Variants in PPP1R15A observed in about 807,000 individuals in gnomAD.
PPP1R15A encodes the protein growth arrest and DNA damage-inducible protein GADD34.
A neutral mutation model predicts 48.5 loss-of-function variants in PPP1R15A; 43 were observed. The observed-to-expected ratio is 0.89, with a 90% CI of 0.69 to 1.14. The LOEUF (loss-of-function observed/expected upper bound fraction) is 1.14. Ranked by LOEUF, PPP1R15A falls within the 50% of genes most tolerant of loss-of-function variation. PPP1R15A has a pLI of 0.00. For missense variants in PPP1R15A, 868 were observed against 847.2 expected (o/e 1.02, Z -0.30); for synonymous variants, 327 against 327.4 (o/e 1.00, Z 0.01).
Position 48,872,491 on chromosome 19 carries a change from C to A in PPP1R15A, c.-170C>A, listed in dbSNP as rs979072090. 19 of 456,402 alleles carry A rather than the reference C, an allele frequency of 4.2e-5. No individual in the cohort carries two copies. Among genetic ancestry groups the A allele is most frequent in the Non-Finnish European group, 7.1e-5 (16 of 226,802 alleles). 28.3% of individuals were successfully genotyped at this position (456,402 alleles called of 1,614,324 possible). On this transcript the variant is annotated 5_prime_UTR_variant, in exon 1 of 3. Transcript: ENST00000200453. The stretch of plus-strand genomic sequence containing the variant: ...TGCACGACCCCGCGCCCGCTTGTCG[C>A]CACGGCACTTGAGGCAGCCGGAGAT...
Position 48,874,754 on chromosome 19 carries a change from C to T in PPP1R15A, c.1521C>T (p.Phe507=). 6.2e-7 allele frequency: 1 copy of T among 1,614,088 alleles called. No individual in the cohort carries two copies. Among genetic ancestry groups the T allele is most frequent in the Non-Finnish European group, 8.5e-7 (1 of 1,180,012 alleles). Residue 507 remains phenylalanine (F), a synonymous_variant, in exon 2 of 3, where the codon TTC becomes TTT. Transcript: ENST00000200453. ...EDWGEAEPCP[F]RVAIYVPGEK... is the part of the protein sequence containing the mutation. ...GGGGAGAAGCTGAGCCCTGCCCCTT[C>T]CGAGTGGCCATCTATGTACCTGGAG...
chr19:48,874,956 T>C, intron 2 of PPP1R15A, 58 bp downstream of exon 2: 2 of 1,443,734 alleles, frequency 1.4e-6, no homozygotes, highest in South Asian at 3.0e-5. Context: ...GTTGGAGTCT[T>C]GGGCTGTCAC....
rs760976406 is a variant in PPP1R15A at position 48,876,022 on chromosome 19, G to A, written c.*49G>A. On this transcript the variant is annotated 3_prime_UTR_variant, in exon 3 of 3. Transcript: ENST00000200453. ...TATTAACTATTTATTTTTTCTAAGT[G>A]TGGGTTTATATAAGGAATAAAGCCT... 6.7e-6 allele frequency: 10 copies of A among 1,500,580 alleles called. No homozygotes were observed. In the East Asian group the frequency reaches 1.8e-4, roughly 28 times the overall value. 93.0% of individuals were successfully genotyped at this position (1,500,580 alleles called of 1,614,324 possible).
At position 48,874,254 on chromosome 19, in the gene PPP1R15A, G is replaced by T. The variant is rs1345874379; in HGVS notation, c.1021G>T (p.Ala341Ser). 1 of 1,614,198 alleles carries T rather than the reference G, an allele frequency of 6.2e-7. No individual in the cohort carries two copies. Among genetic ancestry groups the T allele is most frequent in the South Asian group, 1.1e-5 (1 of 91,082 alleles). The change falls in exon 2 of 3, where the codon GCC (alanine) becomes TCC (serine). Residue 341 changes from alanine (A) to serine (S), a missense_variant. By Grantham distance (99) the Ala-to-Ser change is moderately conservative (BLOSUM62 1). Transcript: ENST00000200453. ...CIPPPSAFLK[A>S]WVYWPGEDTE... Reference sequence around the variant, plus strand: ...CCCCCCACCAAGTGCCTTCCTGAAGGCCTGGGTGTATTGGCCAGGAGAGGA... The same window carrying T: ...CCCCCCACCAAGTGCCTTCCTGAAGTCCTGGGTGTATTGGCCAGGAGAGGA...
chr19:48,876,042 A>T lies in PPP1R15A; in HGVS notation c.*69A>T. 6.8e-7 allele frequency: 1 copy of T among 1,467,272 alleles called. No individual in the cohort carries two copies. 90.9% of individuals were successfully genotyped at this position (1,467,272 alleles called of 1,614,324 possible). A position where few individuals can be genotyped will look rare whatever the true frequency, so the allele number is the denominator to read the frequency against. ...TAAGTGTGGGTTTATATAAGGAATA[A>T]AGCCTTTTGATTTGTAGCGAGCAGC... On this transcript the variant is annotated 3_prime_UTR_variant, in exon 3 of 3. Coordinates refer to ENST00000200453, the MANE Select transcript of PPP1R15A (RefSeq NM_014330.5).
rs190969435 is a variant in PPP1R15A at position 48,872,424 on chromosome 19, C to T, written c.-237C>T. ...CCTAGTGGCCATTGTGTTCGTTGCT[C>T]TTATCGGTTCCCATCCCAGTTGTTG... On this transcript the variant is annotated 5_prime_UTR_variant, in exon 1 of 3. Transcript: ENST00000200453. The T allele has an allele frequency of 2.7e-4, 121 of 456,456 alleles. 1 individual carries two copies. In the East Asian group the frequency reaches 2.9e-3, roughly 11 times the overall value. 28.3% of individuals were successfully genotyped at this position (456,456 alleles called of 1,614,324 possible).
chr19:48,873,568 A>G lies in PPP1R15A; in HGVS notation c.335A>G (p.Asp112Gly). 6.2e-7 allele frequency: 1 copy of G among 1,614,120 alleles called. No homozygotes were observed. The highest frequency in any genetic ancestry group is 8.5e-7 in the Non-Finnish European group (1 of 1,180,000). ...CTTCCTGAAGCCTGGGGACTTTTGG[A>G]TGATGATGATGGCATGTATGGTGAG... ...SSLPEAWGLL[D>G]DDDGMYGERE... The change falls in exon 2 of 3, where the codon GAT becomes GGT. Residue 112 changes from aspartate (D) to glycine (G), a missense_variant. Asp to Gly is a moderately conservative substitution (Grantham distance 94). Coordinates refer to ENST00000200453, the MANE Select transcript of PPP1R15A (RefSeq NM_014330.5).
Position 48,872,607 on chromosome 19 carries a change from C to T in PPP1R15A, c.-54C>T. The T allele has an allele frequency of 5.0e-6, 2 of 399,532 alleles. No individual in the cohort carries two copies. Among genetic ancestry groups the T allele is most frequent in the Middle Eastern group, 4.0e-4 (1 of 2,470 alleles). 24.7% of individuals were successfully genotyped at this position (399,532 alleles called of 1,614,324 possible). ...GGACCTGTGATCGCTTCTGGCAGAC[C>T]GAACCGGCGCTCCTGCCCCCGGGGT... On this transcript the variant is annotated 5_prime_UTR_variant, in exon 1 of 3. Coordinates refer to ENST00000200453, the MANE Select transcript of PPP1R15A (RefSeq NM_014330.5).
At position 48,874,292 on chromosome 19, in the gene PPP1R15A, GGAAGATGAGGAA is replaced by G. The variant is rs1447145203; in HGVS notation, c.1071_1082del (p.Glu357_Glu360del). 7 of 1,614,078 alleles carry G rather than the reference GGAAGATGAGGAA, an allele frequency of 4.3e-6. No homozygotes were observed. The highest frequency in any genetic ancestry group is 1.1e-5 in the South Asian group (1 of 91,076). ...GGCCAGGAGAGGACACAGAGGAAGAGGAAGATGAGGAAGAAGATGAGGACAGTGACTCTGGAT... is the reference window on the plus strand; with the variant it reads ...GGCCAGGAGAGGACACAGAGGAAGAGGAAGATGAGGACAGTGACTCTGGAT... On this transcript the variant is annotated inframe_deletion, in exon 2 of 3. Transcript: ENST00000200453.
chr19:48,875,208 G>T, intron 2 of PPP1R15A: 1 of 340,840 alleles, frequency 2.9e-6, no homozygotes. Context: ...TGGGATTACA[G>T]GCGTGAGCTA....
At position 48,873,483 on chromosome 19, in the gene PPP1R15A, G is replaced by A. The variant is rs747457646; in HGVS notation, c.250G>A (p.Glu84Lys). 6.2e-7 allele frequency: 1 copy of A among 1,614,184 alleles called. No individual in the cohort carries two copies. Among genetic ancestry groups the A allele is most frequent in the Non-Finnish European group, 8.5e-7 (1 of 1,180,008 alleles). Residue 84 changes from glutamate to lysine, a missense_variant, in exon 2 of 3, where the codon GAA becomes AAA. By Grantham distance (56) the Glu-to-Lys change is moderately conservative. Coordinates refer to ENST00000200453, the MANE Select transcript of PPP1R15A (RefSeq NM_014330.5). Reference sequence around the variant, plus strand: ...GGGCAGACGCCCTGAAGAGGAGGCTGAAGACAGTGGAGGCCCTGGAGAGGA... The same window carrying A: ...GGGCAGACGCCCTGAAGAGGAGGCTAAAGACAGTGGAGGCCCTGGAGAGGA... ...PWGRRPEEEA[E>K]DSGGPGEDRE...
chr19:48,873,095 G>A, intron 1 of PPP1R15A, 130 bp from the exon 2 acceptor site: 1 of 1,356,818 alleles, frequency 7.4e-7, no homozygotes, highest in Non-Finnish European at 9.5e-7. Flanking sequence ...GATCAGAAAG[G>A]AATTTGGGAC....
Position 48,873,783 on chromosome 19 carries a change from C to T in PPP1R15A, c.550C>T (p.Arg184Trp), listed in dbSNP as rs759555858. ...CAAGTTCTCTTATCCACCATCACAC[C>T]GGGAGTGTTGTCCAGCCGTGGAGGA... ...VNKFSYPPSH[R>W]ECCPAVEEED... is the part of the protein sequence containing the mutation. Residue 184 changes from arginine to tryptophan, a missense_variant, in exon 2 of 3, where the codon CGG (arginine) becomes TGG (tryptophan). By Grantham distance (101) the Arg-to-Trp change is moderately radical. Coordinates refer to ENST00000200453, the MANE Select transcript of PPP1R15A (RefSeq NM_014330.5). 1.6e-5 allele frequency: 26 copies of T among 1,613,990 alleles called. No individual in the cohort carries two copies. Among genetic ancestry groups the T allele is most frequent in the Middle Eastern group, 1.6e-4 (1 of 6,062 alleles).
rs75202631 is a variant in PPP1R15A at position 48,874,557 on chromosome 19, G to A, written c.1324G>A (p.Glu442Lys). 4.7e-4 allele frequency: 766 copies of A among 1,614,196 alleles called. 6 individuals carry two copies. In the African/African-American group the frequency reaches 9.3e-3, roughly 20 times the overall value. ...GTATCGGCCAGGAGAGGACACGGAGGAGGAGGAAGATGAGGATGTGGATAG... is the reference window on the plus strand; with the variant it reads ...GTATCGGCCAGGAGAGGACACGGAGAAGGAGGAAGATGAGGATGTGGATAG... The part of the protein sequence containing the change: ...WVYRPGEDTE[E>K]EEDEDVDSED... Residue 442 changes from glutamate to lysine, a missense_variant, in exon 2 of 3, where the codon GAG becomes AAG. By Grantham distance (56) the Glu-to-Lys change is moderately conservative (BLOSUM62 1). Transcript: ENST00000200453.
At position 48,874,642 on chromosome 19, in the gene PPP1R15A, C is replaced by T. The variant is rs752965816; in HGVS notation, c.1409C>T (p.Pro470Leu). The T allele has an allele frequency of 1.2e-5, 19 of 1,613,800 alleles. No homozygotes were observed. The highest frequency in any genetic ancestry group is 1.4e-5 in the Non-Finnish European group (17 of 1,179,866). Residue 470 changes from proline to leucine, a missense_variant, in exon 2 of 3, where the codon CCC becomes CTC. Pro to Leu is a moderately conservative substitution (Grantham distance 98). Transcript: ENST00000200453. Reference protein sequence around the residue: ...ALGEAESDPHPSHPDQRAHFR... With the variant: ...ALGEAESDPHLSHPDQRAHFR... ...GGAGAAGCTGAGTCAGACCCACATC[C>T]CTCCCACCCGGACCAGAGGGCCCAC...
rs374372898 is a variant in PPP1R15A at position 48,873,076 on chromosome 19, C to G, written c.-9-149C>G. 22 of 1,295,072 alleles carry G rather than the reference C, an allele frequency of 1.7e-5. 1 individual carries two copies. The South Asian group carries it at 3.2e-4, about 19-fold the overall frequency. 80.2% of individuals were successfully genotyped at this position (1,295,072 alleles called of 1,614,324 possible). A position where few individuals can be genotyped will look rare whatever the true frequency, so the allele number is the denominator to read the frequency against. ...AACAGAGCCAAGGGACAGAGATGGG[C>G]GTGGCCGAGATCAGAAAGGAATTTG... On this transcript the variant is annotated intron_variant, in intron 1 of 2. Transcript: ENST00000200453.
intron 2 of PPP1R15A, chr19:48,875,215 G>A (rs1280221587): frequency 8.9e-6 from 3 of 336,248 alleles, no homozygotes; most frequent in East Asian, 5.1e-5. Context: ...ACAGGCGTGA[G>A]CTACCACATC....
In PPP1R15A at chr19:48,875,539, C is replaced by G; in HGVS notation, c.1666-75C>G. 8.7e-6 allele frequency: 13 copies of G among 1,495,078 alleles called. No individual in the cohort carries two copies. In the South Asian group the frequency reaches 1.6e-4, roughly 18 times the overall value. The allele number at this position is 1,495,078 out of a possible 1,614,324, so 92.6% of individuals were successfully genotyped here. ...CTAATTTTTGTTTGCTTCTCTCTCT[C>G]TCTTCCCCGCCCTCCCCATCCGGAT... On this transcript the variant is annotated intron_variant, in intron 2 of 2. Coordinates refer to ENST00000200453, the MANE Select transcript of PPP1R15A (RefSeq NM_014330.5).
Position 48,874,047 on chromosome 19 carries a change from G to A in PPP1R15A, c.814G>A (p.Glu272Lys). ...TTCAGGAGAGGCGTCCGAGGAGAAG[G>A]AGGAAAAGGCACACAAAGAAACTGG... is the stretch of plus-strand genomic sequence containing the variant. ...YRSGEASEEKEEKAHKETGKG... is the reference protein window; with the variant it reads ...YRSGEASEEKKEKAHKETGKG... Residue 272 changes from glutamate (E) to lysine (K), a missense_variant, in exon 2 of 3, where the codon GAG becomes AAG. Transcript: ENST00000200453. 1.2e-6 allele frequency: 2 copies of A among 1,614,218 alleles called. No homozygotes were observed. The highest frequency in any genetic ancestry group is 1.1e-5 in the South Asian group (1 of 91,092).
Sources: gnomAD v4.1 joint callset for allele counts on GRCh38, gnomAD v4.1.1 for gene constraint, MANE v1.5 for transcripts, NCBI Gene and HGNC (gene_info 2026-07-23, HGNC 2026-07-21) for gene names.